Variants in AMPH observed in about 807,000 individuals in gnomAD.
The protein encoded by AMPH is amphiphysin (Stiff-Mann syndrome with breast cancer 128kD autoantigen).
In AMPH, 49 loss-of-function variants were observed where a neutral mutation model predicts 99.1. The ratio of observed to expected loss-of-function variants is 0.49; its 90% confidence interval spans 0.39 to 0.63. The LOEUF (loss-of-function observed/expected upper bound fraction) is 0.63. AMPH is among the 20% of genes least tolerant of loss of function. The pLI, the probability that AMPH is intolerant of heterozygous loss-of-function variation, is 0.00. For missense variants in AMPH, 759 were observed against 863.4 expected, an observed-to-expected ratio of 0.88 and a Z score of 1.52; for synonymous variants, 314 against 317.3, an observed-to-expected ratio of 0.99 and a Z score of 0.11.
intron 14 of AMPH, chr7:38,428,138 AG>A (rs758259404): frequency 6.6e-6 from 3 of 456,760 alleles, no homozygotes; most frequent in South Asian, 4.6e-5. Context: ...TATCTCTGAT[AG>A]GCCAGTGGTT....
intron 2 of AMPH, among the ~76,000 whole-genome samples, chr7:38,523,513 T>A (rs1019583582): frequency 2.0e-5 from 3 of 152,202 alleles, no homozygotes; most frequent in Non-Finnish European, 4.4e-5. Context: ...AGGAGTCAAC[T>A]CCTAGGAGCT....
intron 12 of AMPH, among the ~76,000 whole-genome samples, chr7:38,435,489 TC>T (rs1786225527): frequency 6.6e-6 from 1 of 152,218 alleles, no homozygotes; most frequent in South Asian, 2.1e-4. Context: ...TATGTGGGGC[TC>T]CAACCATATG....
chr7:38,584,857 G>A (rs761357182), intron 1 of AMPH, among the ~76,000 whole-genome samples: 115 of 152,104 alleles, frequency 7.6e-4, no homozygotes, highest in Non-Finnish European at 1.3e-3. Context: ...TGTAAATATC[G>A]GGCTTGAATC....
At chr7:38,469,966 C>T (rs1787817409) in intron 7 of AMPH, among the ~76,000 whole-genome samples, 1 of 152,172 alleles carries the variant, frequency 6.6e-6, no homozygotes, top group African/African-American at 2.4e-5. Context: ...TCATTCATTT[C>T]CATTCCACCT....
chr7:38,500,057 G>A (rs1281451178), intron 3 of AMPH, among the ~76,000 whole-genome samples: 3 of 152,184 alleles, frequency 2.0e-5, no homozygotes, highest in Admixed American at 2.0e-4. Context: ...TTTATTAGCA[G>A]CGTGAGAACG....
At chr7:38,610,261 AAAGAAAGAAAG>A (rs1793592055) in intron 1 of AMPH, among the ~76,000 whole-genome samples, 1 of 24,038 alleles carries the variant, frequency 4.2e-5, no homozygotes, top group Admixed American at 4.8e-4. Flanking sequence ...AAAAAAAAAA[AAAGAAAGAAAG>A]AAAGAAAGAA....
intron 5 of AMPH, among the ~76,000 whole-genome samples, chr7:38,489,684 A>T (rs760354528): frequency 6.6e-6 from 1 of 152,128 alleles, no homozygotes; most frequent in Non-Finnish European, 1.5e-5. Flanking sequence ...AGAAAAAATA[A>T]CTAATAATCT....
Position 38,389,853 on chromosome 7 carries a change from T to C in AMPH, c.1931A>G (p.Gln644Arg). 1 of 1,614,008 alleles carries C rather than the reference T, an allele frequency of 6.2e-7. No homozygotes were observed. Among genetic ancestry groups the C allele is most frequent in the Non-Finnish European group, 8.5e-7 (1 of 1,180,008 alleles). Reference sequence around the variant, plus strand: ...GACCACCAGCACCACATCACCCCTTTGTAAGGTAAGTTCATCAGAATTTGC... The same window carrying C: ...GACCACCAGCACCACATCACCCCTTCGTAAGGTAAGTTCATCAGAATTTGC... ...EAANSDELTLQRGDVVLVVPS... is the reference protein window; with the variant it reads ...EAANSDELTLRRGDVVLVVPS... The change falls in exon 20 of 21, where the codon CAA (glutamine) becomes CGA (arginine). Residue 644 changes from glutamine (Q) to arginine (R), a missense_variant. Physicochemically the swap from Gln to Arg is conservative, Grantham distance 43. Transcript: ENST00000356264.
At chr7:38,475,484 A>C in intron 6 of AMPH, 68 bp from the exon 7 acceptor site, 1 of 1,038,520 alleles carries the variant, frequency 9.6e-7, no homozygotes, top group South Asian at 1.4e-5. Flanking sequence ...GCATCATTTA[A>C]TGTAAAATAA....
At chr7:38,581,132 T>G (rs1027036510) in intron 1 of AMPH, among the ~76,000 whole-genome samples, 2 of 152,104 alleles carry the variant, frequency 1.3e-5, no homozygotes, top group African/African-American at 4.8e-5. Flanking sequence ...GCTGTCATAA[T>G]AGATTGTTCA....
intron 17 of AMPH, among the ~76,000 whole-genome samples, chr7:38,396,687 G>A (rs577077198): frequency 7.2e-5 from 11 of 152,150 alleles, no homozygotes; most frequent in Admixed American, 1.3e-4. Flanking sequence ...TTTTGAAATC[G>A]AATAGACTTT....
At chr7:38,534,541 G>A (rs1790527808) in intron 2 of AMPH, among the ~76,000 whole-genome samples, 1 of 152,016 alleles carries the variant, frequency 6.6e-6, no homozygotes, top group Non-Finnish European at 1.5e-5. Flanking sequence ...CACATATGAT[G>A]GTGTACACCT....
chr7:38,543,155 G>A (rs1466252444), intron 1 of AMPH, among the ~76,000 whole-genome samples: 1 of 152,114 alleles, frequency 6.6e-6, no homozygotes, highest in East Asian at 1.9e-4. Flanking sequence ...TACTTGGGAG[G>A]CTGAGGCAGG....
chr7:38,596,302 T>C (rs1207727891), intron 1 of AMPH, among the ~76,000 whole-genome samples: 1 of 152,198 alleles, frequency 6.6e-6, no homozygotes, highest in East Asian at 1.9e-4. Context: ...AACCAGCTTC[T>C]AGGAGCCAAC....
intron 2 of AMPH, among the ~76,000 whole-genome samples, chr7:38,529,714 C>T (rs1472196418): frequency 6.6e-6 from 1 of 152,164 alleles, no homozygotes; most frequent in East Asian, 1.9e-4. Flanking sequence ...TTAATCAAGG[C>T]AGTGGCTATC....
At chr7:38,420,778 T>C (rs953972529) in intron 16 of AMPH, 2 of 339,456 alleles carry the variant, frequency 5.9e-6, no homozygotes, top group Non-Finnish European at 1.2e-5. Context: ...TCCAAAGGGC[T>C]TTAGAGGCAA....
At chr7:38,542,681 G>T (rs1210370189) in intron 1 of AMPH, among the ~76,000 whole-genome samples, 1 of 152,166 alleles carries the variant, frequency 6.6e-6, no homozygotes, top group African/African-American at 2.4e-5. Flanking sequence ...AGTTAGCAAT[G>T]TAAAAACTGA....
intron 20 of AMPH, among the ~76,000 whole-genome samples, chr7:38,388,177 T>C (rs561641607): frequency 5.5e-4 from 84 of 152,152 alleles, no homozygotes; most frequent in Non-Finnish European, 1.0e-3. Flanking sequence ...AATGAAGACC[T>C]GGAAATGGTA....
intron 20 of AMPH, 107 bp downstream of exon 20, chr7:38,389,697 T>G: frequency 1.1e-6 from 1 of 889,604 alleles, no homozygotes; most frequent in South Asian, 1.5e-5. Flanking sequence ...TTCAGATGGC[T>G]TGTAGCATCT....
Sources: allele counts gnomAD v4.1 joint callset (sites outside exome capture counted in the v4.1 genomes callset), GRCh38; gene constraint gnomAD v4.1.1; transcripts MANE v1.5; gene names NCBI Gene and HGNC (gene_info 2026-07-23, HGNC 2026-07-21).